The following AFAP1L1 variants were observed in gnomAD, a reference collection of about 807,000 sequenced individuals.
AFAP1L1 encodes actin filament-associated protein 1-like 1.
Under a neutral mutation model 99.8 loss-of-function variants are expected in AFAP1L1, and 77 were observed. The ratio of observed to expected loss-of-function variants is 0.77; its 90% CI spans 0.64 to 0.93. The LOEUF (loss-of-function observed/expected upper bound fraction) is 0.93, where lower values mean the gene tolerates loss of function less well. Ranked by LOEUF, AFAP1L1 falls within the 40% of genes least tolerant of loss-of-function variation. AFAP1L1 has a pLI of 0.00. For synonymous variants in AFAP1L1, 373 were observed against 395.3 expected (o/e 0.94, Z 0.67); for missense variants, 893 against 996.8 (o/e 0.90, Z 1.40).
intron 14 of AFAP1L1, among the ~76,000 whole-genome samples, chr5:149,321,469 A>G: frequency 6.6e-6 from 1 of 152,264 alleles, no homozygotes; most frequent in East Asian, 1.9e-4. Context: ...GCTCATGCCT[A>G]TAATCCCAGT....
At chr5:149,336,751 C>A (rs1264602256) in intron 18 of AFAP1L1, among the ~76,000 whole-genome samples, 1 of 152,202 alleles carries the variant, frequency 6.6e-6, no homozygotes, top group African/African-American at 2.4e-5. Context: ...ACGGATTAAT[C>A]CATATTCATG....
chr5:149,317,473 A>C (rs1756827777), intron 11 of AFAP1L1, among the ~76,000 whole-genome samples: 1 of 152,224 alleles, frequency 6.6e-6, no homozygotes, highest in South Asian at 2.1e-4. Context: ...CATATGCAGT[A>C]GTTCCTGCCC....
chr5:149,307,292 T>C, intron 6 of AFAP1L1, 110 bp from the exon 7 acceptor site: 1 of 1,137,928 alleles, frequency 8.8e-7, no homozygotes, highest in East Asian at 2.4e-5. Context: ...TCATGCCTAA[T>C]GCCCATGCCT....
At chr5:149,301,865 AG>A (rs1756228330) in intron 4 of AFAP1L1, among the ~76,000 whole-genome samples, 1 of 152,272 alleles carries the variant, frequency 6.6e-6, no homozygotes, top group African/African-American at 2.4e-5. Context: ...ACATGCTGAC[AG>A]CAACTGAATG....
In AFAP1L1 at chr5:149,319,478, G is replaced by A. The variant is rs548858778; in HGVS notation, c.1480-104G>A. Reference sequence around the variant, plus strand: ...CCTCTTTGACCCGAGTATCGGGTACGTAGTCAGTACTTACAAATATTTCTG... The same window carrying A: ...CCTCTTTGACCCGAGTATCGGGTACATAGTCAGTACTTACAAATATTTCTG... On this transcript the variant is annotated intron_variant, in intron 12 of 18. Coordinates refer to ENST00000296721, the MANE Select transcript of AFAP1L1 (RefSeq NM_152406.4). 2.4e-5 allele frequency: 32 copies of A among 1,324,366 alleles called. No homozygotes were observed. In the East Asian group the frequency reaches 2.8e-4, roughly 12 times the overall value. 82.0% of individuals were successfully genotyped at this position (1,324,366 alleles called of 1,614,324 possible). A position where few individuals can be genotyped will look rare whatever the true frequency, so the allele number is the denominator to read the frequency against.
At chr5:149,280,968 G>A (rs1182720952) in intron 1 of AFAP1L1, among the ~76,000 whole-genome samples, 1 of 152,182 alleles carries the variant, frequency 6.6e-6, no homozygotes, top group Non-Finnish European at 1.5e-5. Context: ...GCTCACTTCC[G>A]TGTTATGAGA....
At chr5:149,322,836 G>A in intron 15 of AFAP1L1, 119 bp downstream of exon 15, 4 of 752,826 alleles carry the variant, frequency 5.3e-6, no homozygotes, top group Non-Finnish European at 8.6e-6. Flanking sequence ...TGAGATGCAA[G>A]AAAATACTCT....
In AFAP1L1 at chr5:149,302,420, G is replaced by T; in HGVS notation, c.330G>T (p.Ala110=). 3 of 1,578,490 alleles carry T rather than the reference G, an allele frequency of 1.9e-6. No individual in the cohort carries two copies. The highest frequency in any genetic ancestry group is 4.6e-5 in the East Asian group (2 of 43,402). The change falls in exon 5 of 19, where the codon GCG becomes GCT. Residue 110 remains alanine (A), a splice_region_variant and synonymous_variant. Coordinates refer to ENST00000296721, the MANE Select transcript of AFAP1L1 (RefSeq NM_152406.4). ...CCCTCTTTTTTGTCCCCTTGCAGGC[G>T]GCCGACCTGCCTCCACCGCTCCCCA... is the stretch of plus-strand genomic sequence containing the variant. ...ELAKSPRLRN[A]ADLPPPLPNK... is the part of the protein sequence containing the mutation.
Position 149,320,194 on chromosome 5 carries a change from A to G in AFAP1L1, c.1626-197A>G, listed in dbSNP as rs1756912299. Among the ~76,000 whole-genome samples the G allele has an allele frequency of 6.6e-6, 1 of 152,190 alleles. No homozygotes were observed. The highest frequency in any genetic ancestry group is 1.5e-5 in the Non-Finnish European group (1 of 68,034). On this transcript the variant is annotated intron_variant, in intron 13 of 18. Coordinates refer to ENST00000296721, the MANE Select transcript of AFAP1L1 (RefSeq NM_152406.4). This position sits in a 1 kb window ranked among gnomAD's most constrained non-coding sequence, Gnocchi z 4.0. ...TGAATTACCTGCCTTGCAGGTTGTT[A>G]TGAGAATCACATTGGTCCTGTCTGT...
At chr5:149,334,284 T>C (rs1757341049) in intron 17 of AFAP1L1, among the ~76,000 whole-genome samples, 1 of 152,126 alleles carries the variant, frequency 6.6e-6, no homozygotes, top group African/African-American at 2.4e-5. Context: ...ATTGTATAGA[T>C]GAAAAACATG....
At chr5:149,313,282 A>G (rs999756789) in intron 9 of AFAP1L1, among the ~76,000 whole-genome samples, 2 of 152,218 alleles carry the variant, frequency 1.3e-5, no homozygotes, top group Non-Finnish European at 2.9e-5. Flanking sequence ...CCTCCCCTTA[A>G]GGAGATTACA....
chr5:149,321,441 C>T (rs1304222231), intron 14 of AFAP1L1, among the ~76,000 whole-genome samples: 2 of 152,034 alleles, frequency 1.3e-5, no homozygotes, highest in East Asian at 1.9e-4. Flanking sequence ...AAAGTTTAGG[C>T]GGGGTCTGGG....
intron 11 of AFAP1L1, among the ~76,000 whole-genome samples, chr5:149,316,894 G>A (rs759849222): frequency 2.6e-5 from 4 of 152,224 alleles, no homozygotes; most frequent in Non-Finnish European, 5.9e-5. Context: ...GCCAGGCACA[G>A]AGGCTCACCT....
chr5:149,299,688 A>G, intron 2 of AFAP1L1, 51 bp downstream of exon 2: 1 of 1,611,020 alleles, frequency 6.2e-7, no homozygotes, highest in Non-Finnish European at 8.5e-7. Flanking sequence ...TAGGACAACA[A>G]AACCTCCCTT....
chr5:149,296,978 A>G (rs577584501), intron 1 of AFAP1L1, among the ~76,000 whole-genome samples: 53 of 152,264 alleles, frequency 3.5e-4, no homozygotes, highest in Non-Finnish European at 6.2e-4. Flanking sequence ...CGAGAACAGC[A>G]GCACAGGGGT....
At chr5:149,322,548 CT>C in intron 14 of AFAP1L1, 57 bp from the exon 15 acceptor site, 1 of 1,266,084 alleles carries the variant, frequency 7.9e-7, no homozygotes, top group Non-Finnish European at 1.1e-6. Context: ...GCAATACACC[CT>C]GCATTGATGA....
chr5:149,335,565 C>A, intron 17 of AFAP1L1, 29 bp from the exon 18 acceptor site: 1 of 1,611,032 alleles, frequency 6.2e-7, no homozygotes, highest in South Asian at 1.1e-5. Context: ...CCAGATCTCA[C>A]CTATATAATT....
At chr5:149,326,952 A>G (rs1354464348) in intron 15 of AFAP1L1, among the ~76,000 whole-genome samples, 4 of 152,242 alleles carry the variant, frequency 2.6e-5, no homozygotes, top group African/African-American at 9.6e-5. Flanking sequence ...TAAACAAATA[A>G]GAAAATAACA....
At chr5:149,337,652 G>A (rs1401444783) in intron 18 of AFAP1L1, among the ~76,000 whole-genome samples, 2 of 152,158 alleles carry the variant, frequency 1.3e-5, no homozygotes, top group Non-Finnish European at 2.9e-5. Flanking sequence ...AGACAGATGA[G>A]GTCCTGGTTT....
Sources: allele counts gnomAD v4.1 joint callset (sites outside exome capture counted in the v4.1 genomes callset), GRCh38; gene constraint gnomAD v4.1.1; non-coding constraint Gnocchi (gnomAD v3.1); transcripts MANE v1.5; gene names NCBI Gene and HGNC (gene_info 2026-07-23, HGNC 2026-07-21).